The following SANBR variants were observed in gnomAD, a reference collection of about 807,000 sequenced individuals.
The protein encoded by SANBR is SANT and BTB domain regulator of CSR.
Under a neutral mutation model 101.8 loss-of-function variants are expected in SANBR, and 77 were observed. The observed-to-expected ratio is 0.76, with a 90% CI of 0.63 to 0.91. SANBR has a LOEUF of 0.91. SANBR is among the 40% of genes least tolerant of loss of function. The pLI is 0.00. For missense variants in SANBR, 875 were observed against 853.0 expected, an observed-to-expected ratio of 1.03 and a Z score of -0.32; for synonymous variants, 279 against 274.7, an observed-to-expected ratio of 1.02 and a Z score of -0.15.
intron 5 of SANBR, among the ~76,000 whole-genome samples, chr2:61,074,763 A>AT (rs1161405537): frequency 6.6e-6 from 1 of 152,216 alleles, no homozygotes; most frequent in Non-Finnish European, 1.5e-5. Context: ...TTTGCCAAAA[A>AT]TTTTTTACTG....
intron 21 of SANBR, among the ~76,000 whole-genome samples, chr2:61,136,083 T>A (rs1194586002): frequency 4.0e-5 from 6 of 151,548 alleles, no homozygotes; most frequent in African/African-American, 1.5e-4. Context: ...GGCGGGCGGA[T>A]CACCTGAGGT....
At chr2:61,113,932 G>A (rs1046761265) in intron 16 of SANBR, among the ~76,000 whole-genome samples, 1 of 152,120 alleles carries the variant, frequency 6.6e-6, no homozygotes, top group Non-Finnish European at 1.5e-5. Context: ...CTATTTTGCT[G>A]AGTTTTTATA....
chr2:61,117,134 T>C, intron 17 of SANBR: 1 of 543,364 alleles, frequency 1.8e-6, no homozygotes, highest in South Asian at 2.5e-5. Flanking sequence ...GGTCTGTATC[T>C]CTTTGGAGAA....
Position 61,103,841 on chromosome 2 carries a change from C to G in SANBR, c.1366-12C>G, listed in dbSNP as rs751266170. The G allele has an allele frequency of 9.3e-6, 15 of 1,613,056 alleles. No homozygotes were observed. Among genetic ancestry groups the G allele is most frequent in the South Asian group, 1.1e-5 (1 of 90,872 alleles). On this transcript the variant is annotated splice_polypyrimidine_tract_variant and intron_variant, in intron 12 of 21. Coordinates refer to ENST00000402291, the MANE Select transcript of SANBR (RefSeq NM_001129993.3). ...CAAACTAACCTCTAATTTATTGTCT[C>G]TTATGTGACAGGGCTGTAAAGTGAG...
At chr2:61,097,024 C>T (rs542513268) in intron 11 of SANBR, among the ~76,000 whole-genome samples, 7 of 152,130 alleles carry the variant, frequency 4.6e-5, no homozygotes, top group African/African-American at 1.2e-4. Context: ...TGTGGTTGTG[C>T]GCGCCTGTAA....
At chr2:61,069,285 C>CACATTTTGTG (rs1393932569) in intron 2 of SANBR, among the ~76,000 whole-genome samples, 2 of 152,196 alleles carry the variant, frequency 1.3e-5, no homozygotes, top group Non-Finnish European at 2.9e-5. Flanking sequence ...ATATCATCTT[C>CACATTTTGTG]AAAGTGCTTT....
chr2:61,106,490 A>C (rs1414253430), intron 13 of SANBR, 73 bp from the exon 14 acceptor site: 3 of 1,006,758 alleles, frequency 3.0e-6, no homozygotes, highest in Non-Finnish European at 4.5e-6. Flanking sequence ...AAACATTTGT[A>C]ATAAAAAGAT....
At position 61,136,151 on chromosome 2, in the gene SANBR, A is replaced by G. The variant is rs183101787; in HGVS notation, c.*45-1313A>G. 4.6e-5 allele frequency among the ~76,000 whole-genome samples: 7 copies of G among 152,174 alleles called. No homozygotes were observed. The East Asian group carries it at 1.4e-3, about 29-fold the overall frequency. ...GAAACCTGTCTCTACCAAAACTACA[A>G]AAATTAGCTGGGCATGGTGGCACAT... On this transcript the variant is annotated intron_variant, in intron 21 of 21. Coordinates refer to the SANBR transcript ENST00000295031.
chr2:61,077,394 G>A (rs1240842659), intron 6 of SANBR, among the ~76,000 whole-genome samples: 1 of 152,116 alleles, frequency 6.6e-6, no homozygotes, highest in Non-Finnish European at 1.5e-5. Flanking sequence ...GGACCAGTGG[G>A]ATACTAGGGA....
chr2:61,089,187 C>T (rs1000355034), intron 10 of SANBR: 3 of 985,200 alleles, frequency 3.0e-6, no homozygotes, highest in African/African-American at 3.5e-5. Context: ...TTTCTGTCAT[C>T]TATTTGTTCT....
intron 20 of SANBR, among the ~76,000 whole-genome samples, chr2:61,118,995 G>T (rs1166525567): frequency 6.6e-6 from 1 of 152,094 alleles, no homozygotes; most frequent in African/African-American, 2.4e-5. Flanking sequence ...CTGAAAATGT[G>T]TCATCACACC....
chr2:61,123,240 T>C lies in SANBR; in HGVS notation c.*1078T>C, dbSNP rs954082616. On this transcript the variant is annotated 3_prime_UTR_variant, in exon 22 of 22. Coordinates refer to ENST00000402291, the MANE Select transcript of SANBR (RefSeq NM_001129993.3). ...GAAAAACTTTAAGATGCACTGTTTC[T>C]ATTTTTTTAAGTCTTAATTTGCCTT... 103 of 973,780 alleles carry C rather than the reference T, an allele frequency of 1.1e-4. No homozygotes were observed. Among genetic ancestry groups the C allele is most frequent in the Non-Finnish European group, 9.3e-5 (76 of 819,164 alleles). The allele number at this position is 973,780 out of a possible 1,614,324, so 60.3% of individuals were successfully genotyped here.
At position 61,103,899 on chromosome 2, in the gene SANBR, A is replaced by G; in HGVS notation, c.1412A>G (p.Glu471Gly). ...ATGGTTACACTTCGTGATCAAGGTG[A>G]AGGCGGAGATTTGCCGTCCTGTCCC... is the stretch of plus-strand genomic sequence containing the variant. ...DHMVTLRDQG[E>G]GGDLPSCPTA... The change falls in exon 13 of 22, where the codon GAA becomes GGA. Residue 471 changes from glutamate to glycine, a missense_variant. Glu to Gly is a moderately conservative substitution (Grantham distance 98). Transcript: ENST00000402291. 6.2e-7 allele frequency: 1 copy of G among 1,614,204 alleles called. No homozygotes were observed. The highest frequency in any genetic ancestry group is 8.5e-7 in the Non-Finnish European group (1 of 1,180,008).
At chr2:61,113,610 T>C (rs865833725) in intron 16 of SANBR, among the ~76,000 whole-genome samples, 2 of 152,240 alleles carry the variant, frequency 1.3e-5, no homozygotes, top group African/African-American at 4.8e-5. Context: ...CGGTTGCTCA[T>C]TGATGGTAAT....
chr2:61,081,054 A>G (rs1019024650), intron 6 of SANBR, among the ~76,000 whole-genome samples: 1 of 152,148 alleles, frequency 6.6e-6, no homozygotes, highest in African/African-American at 2.4e-5. Flanking sequence ...TTTGTTCATA[A>G]CAAGCATTGA....
chr2:61,073,598 C>T (rs1319943329), intron 5 of SANBR, 47 bp downstream of exon 5: 7 of 1,064,728 alleles, frequency 6.6e-6, no homozygotes, highest in Non-Finnish European at 8.4e-6. Context: ...TTAATATCAA[C>T]TTCATAAAAT....
At chr2:61,132,092 T>A (rs1214615234) in intron 20 of SANBR, among the ~76,000 whole-genome samples, 1 of 151,146 alleles carries the variant, frequency 6.6e-6, no homozygotes, top group Admixed American at 6.6e-5. Flanking sequence ...TAGGGGTAAA[T>A]CTTCGTGACC....
intron 10 of SANBR, chr2:61,088,882 T>C (rs1682595160): frequency 4.3e-6 from 4 of 928,786 alleles, no homozygotes; most frequent in Non-Finnish European, 5.1e-6. Flanking sequence ...TTATAAGGAA[T>C]GGGATAACAT....
chr2:61,122,490 T>C lies in SANBR; in HGVS notation c.*328T>C. ...AGGCCTAAACTGTCAGGTAGCCAAG[T>C]TTTTTTAAGACCTTAAAAGTTAGGG... On this transcript the variant is annotated 3_prime_UTR_variant, in exon 22 of 22. Coordinates refer to ENST00000402291, the MANE Select transcript of SANBR (RefSeq NM_001129993.3). 1 of 1,041,768 alleles carries C rather than the reference T, an allele frequency of 9.6e-7. No homozygotes were observed. Among genetic ancestry groups the C allele is most frequent in the Non-Finnish European group, 1.2e-6 (1 of 866,880 alleles). The allele number at this position is 1,041,768 out of a possible 1,614,324, so 64.5% of individuals were successfully genotyped here. A position where few individuals can be genotyped will look rare whatever the true frequency, so the allele number is the denominator to read the frequency against.
Sources: gnomAD v4.1 joint callset for allele counts (sites outside exome capture counted in the v4.1 genomes callset) on GRCh38, gnomAD v4.1.1 for gene constraint, MANE v1.5 for transcripts, NCBI Gene and HGNC (gene_info 2026-07-23, HGNC 2026-07-21) for gene names.